ADCY8: variants seen among roughly 807,000 people sequenced by gnomAD.
The protein encoded by ADCY8 is adenylate cyclase 8, also known as adenylate cyclase type 8.
In ADCY8, 51 loss-of-function variants were observed where a neutral mutation model predicts 119.7. The observed-to-expected ratio is 0.43, with a 90% CI of 0.34 to 0.54. The LOEUF is 0.54. Among genes scored for constraint, ADCY8 ranks in the 20% least tolerant of loss-of-function variants. The pLI is 0.03. For missense variants in ADCY8, 1,383 were observed against 1,598.8 expected (o/e 0.87, Z 2.30); for synonymous variants, 665 against 651.0 (o/e 1.02, Z -0.33).
chr8:130,927,938 A>C (rs1426401855), intron 5 of ADCY8, among the ~76,000 whole-genome samples: 1 of 152,208 alleles, frequency 6.6e-6, no homozygotes, highest in African/African-American at 2.4e-5. Context: ...TTTTAATGAC[A>C]GGGCCTGCTC....
At chr8:130,868,734 GC>G (rs947904264) in intron 8 of ADCY8, among the ~76,000 whole-genome samples, 5 of 152,156 alleles carry the variant, frequency 3.3e-5, no homozygotes, top group Admixed American at 2.0e-4. Flanking sequence ...CCTAAACCAA[GC>G]CCCACATTTG....
chr8:131,030,989 C>G (rs992593058), intron 1 of ADCY8, among the ~76,000 whole-genome samples: 1 of 152,186 alleles, frequency 6.6e-6, no homozygotes, highest in Admixed American at 6.5e-5. Context: ...GCAAAGCAAC[C>G]ATGATGACAT....
chr8:130,958,816 T>G (rs1821513054), intron 2 of ADCY8, among the ~76,000 whole-genome samples: 1 of 152,212 alleles, frequency 6.6e-6, no homozygotes, highest in African/African-American at 2.4e-5. Context: ...CCTGTTTTAT[T>G]TATTTTTTCT....
At chr8:130,880,524 C>T (rs928169521) in intron 8 of ADCY8, among the ~76,000 whole-genome samples, 1 of 152,154 alleles carries the variant, frequency 6.6e-6, no homozygotes, top group Non-Finnish European at 1.5e-5. Flanking sequence ...TCTGTAAGCC[C>T]ACTTAGGAAA....
chr8:130,922,580 A>G (rs956552596), intron 5 of ADCY8, among the ~76,000 whole-genome samples: 1 of 152,006 alleles, frequency 6.6e-6, no homozygotes, highest in Non-Finnish European at 1.5e-5. Context: ...TTAGTACAGA[A>G]CAAAATGAAA....
At chr8:130,963,327 A>G (rs990574557) in intron 2 of ADCY8, among the ~76,000 whole-genome samples, 1 of 152,190 alleles carries the variant, frequency 6.6e-6, no homozygotes, top group African/African-American at 2.4e-5. Context: ...CTTTAGCAAA[A>G]TGGTCAATGA....
At chr8:130,816,427 CTTT>C (rs59803292) in intron 13 of ADCY8, among the ~76,000 whole-genome samples, 2 of 121,186 alleles carry the variant, frequency 1.7e-5, no homozygotes, top group Non-Finnish European at 1.6e-5. Flanking sequence ...ATTTTTTTTT[CTTT>C]TTTTTTTTTT....
chr8:130,920,239 G>A (rs1037234336), intron 5 of ADCY8, among the ~76,000 whole-genome samples: 22 of 150,610 alleles, frequency 1.5e-4, no homozygotes, highest in Non-Finnish European at 8.9e-5. Flanking sequence ...ATTATATCAC[G>A]TGGCCTCTTC....
At chr8:130,822,539 C>CATGAATCCATGA (rs201840309) in intron 12 of ADCY8, among the ~76,000 whole-genome samples, 1,605 of 19,364 alleles carry the variant, frequency 0.083, 9 homozygotes, top group Admixed American at 0.19. Flanking sequence ...TCCATGAATC[C>CATGAATCCATGA]ATCCATCCAT....
rs949694503 is a variant in ADCY8 at position 130,803,884 on chromosome 8, C to T, written c.2914-3312G>A. On this transcript the variant is annotated intron_variant, in intron 14 of 17. Transcript: ENST00000286355. ...AAGCATGGATTAATCTAAACTGATGCCTTCTTTAGTCCTTATCCAAAAGAG... is the reference window on the plus strand; with the variant it reads ...AAGCATGGATTAATCTAAACTGATGTCTTCTTTAGTCCTTATCCAAAAGAG... 5.3e-5 allele frequency among the ~76,000 whole-genome samples: 8 copies of T among 152,316 alleles called. No individual in the cohort carries two copies. The East Asian group carries it at 5.8e-4, about 11-fold the overall frequency.
chr8:130,948,759 G>A (rs1821183002), intron 3 of ADCY8, among the ~76,000 whole-genome samples: 1 of 152,142 alleles, frequency 6.6e-6, no homozygotes, highest in Non-Finnish European at 1.5e-5. Flanking sequence ...CACCGCAGCG[G>A]GGTTGCTTTG....
rs147574599 is a variant in ADCY8, at chr8:130,780,947, C to T, written c.3269-70G>A. The stretch of plus-strand genomic sequence containing the variant: ...GACAATGGGGTGTTTGGACCCCTCC[C>T]TGGGACAGTGATCACTATGTGTGGG... On this transcript the variant is annotated intron_variant, in intron 17 of 17. Coordinates refer to ENST00000286355, the MANE Select transcript of ADCY8 (RefSeq NM_001115.3). 3,780 of 1,562,726 alleles carry T rather than the reference C, an allele frequency of 2.4e-3. 17 individuals carry two copies. The highest frequency in any genetic ancestry group is 0.019 in the African/African-American group (1,427 of 74,136).
At chr8:130,884,170 A>G (rs1174300196) in intron 8 of ADCY8, among the ~76,000 whole-genome samples, 1 of 152,150 alleles carries the variant, frequency 6.6e-6, no homozygotes, top group Non-Finnish European at 1.5e-5. Flanking sequence ...GCTTACATCA[A>G]GTTATTGGGT....
intron 9 of ADCY8, among the ~76,000 whole-genome samples, chr8:130,866,709 A>G (rs192823660): frequency 1.3e-5 from 2 of 152,296 alleles, no homozygotes; most frequent in African/African-American, 2.4e-5. Flanking sequence ...TCTAGTAACT[A>G]AAAGCACAGA....
intron 15 of ADCY8, among the ~76,000 whole-genome samples, chr8:130,791,989 G>C (rs550711946): frequency 1.3e-5 from 2 of 152,182 alleles, no homozygotes; most frequent in Non-Finnish European, 2.9e-5. Context: ...CTTCTGAAAA[G>C]AGTTGTCTAG....
chr8:130,807,847 A>G (rs55705321), intron 14 of ADCY8, among the ~76,000 whole-genome samples: 40,232 of 142,850 alleles, frequency 0.28, 5,661 homozygotes, highest in Middle Eastern at 0.41. Flanking sequence ...AGCCGGGCGT[A>G]GTGGCGGGCG....
At chr8:131,017,790 A>G (rs188632424) in intron 1 of ADCY8, among the ~76,000 whole-genome samples, 90 of 151,326 alleles carry the variant, frequency 5.9e-4, no homozygotes, top group African/African-American at 2.1e-3. Flanking sequence ...TCAGAGTTTT[A>G]AAAATGATGG....
At chr8:130,802,046 C>A (rs2130117642) in intron 14 of ADCY8, among the ~76,000 whole-genome samples, 1 of 151,842 alleles carries the variant, frequency 6.6e-6, no homozygotes, top group Middle Eastern at 3.4e-3. Flanking sequence ...TTTCTAAATT[C>A]CTGTGTTAAG....
chr8:130,854,885 C>T (rs1586486742), intron 9 of ADCY8, among the ~76,000 whole-genome samples: 1 of 126,246 alleles, frequency 7.9e-6, no homozygotes, highest in South Asian at 3.1e-4. Flanking sequence ...TCTTTCTTTT[C>T]CCTTTCCCTC....
Sources: gnomAD v4.1 joint callset for allele counts (sites outside exome capture counted in the v4.1 genomes callset) on GRCh38, gnomAD v4.1.1 for gene constraint, MANE v1.5 for transcripts, NCBI Gene and HGNC (gene_info 2026-07-23, HGNC 2026-07-21) for gene names.